EPAS1: variants seen among roughly 807,000 people sequenced by gnomAD.
The protein encoded by EPAS1 is endothelial PAS domain protein 1.
In EPAS1, 23 loss-of-function variants were observed where a neutral mutation model predicts 87.9. The observed-to-expected ratio is 0.26, with a 90% CI of 0.19 to 0.37. The LOEUF (loss-of-function observed/expected upper bound fraction) is 0.37. Ranked by LOEUF, EPAS1 falls within the 10% of genes least tolerant of loss-of-function variation. The probability of loss-of-function intolerance (pLI) is 1.00; values close to 1 mark genes in which losing one functional copy is unlikely to be tolerated. For synonymous variants in EPAS1, 508 were observed against 444.3 expected, an observed-to-expected ratio of 1.14 and a Z score of -1.80; for missense variants, 1,138 against 1,120.7, an observed-to-expected ratio of 1.02 and a Z score of -0.22.
intron 6 of EPAS1, among the ~76,000 whole-genome samples, chr2:46,364,379 T>G (rs1558603700): frequency 6.6e-6 from 1 of 151,020 alleles, no homozygotes; most frequent in Non-Finnish European, 1.5e-5. Flanking sequence ...ACAGACACAA[T>G]CAAGCAAAAA....
At chr2:46,341,127 C>G (rs1257116104) in intron 1 of EPAS1, among the ~76,000 whole-genome samples, 2 of 152,232 alleles carry the variant, frequency 1.3e-5, no homozygotes, top group Admixed American at 6.5e-5. Context: ...AGAACACTGA[C>G]CACTGGAACA....
chr2:46,352,630 C>T (rs1684192539), intron 2 of EPAS1, among the ~76,000 whole-genome samples: 1 of 152,176 alleles, frequency 6.6e-6, no homozygotes, highest in African/African-American at 2.4e-5. Context: ...TTTTCACTCT[C>T]AGCTCCAAGC....
chr2:46,381,714 C>T lies in EPAS1; in HGVS notation c.2164C>T (p.Leu722=). The change falls in exon 13 of 16, where the codon CTG becomes TTG. Residue 722 remains leucine (L), a synonymous_variant. Transcript: ENST00000263734. ...LEYEEQAFQD[L]SGGDPPGGST... ...GTATGAAGAGCAAGCCTTCCAGGAC[C>T]TGAGCGGGGTGAGTCATCCCCACTG... The T allele has an allele frequency of 1.9e-6, 3 of 1,613,856 alleles. No individual in the cohort carries two copies. In the South Asian group the frequency reaches 3.3e-5, roughly 18 times the overall value.
intron 1 of EPAS1, among the ~76,000 whole-genome samples, chr2:46,329,840 AAC>A (rs1295977789): frequency 1.3e-5 from 2 of 152,138 alleles, no homozygotes; most frequent in African/African-American, 4.8e-5. Context: ...AGACAAACAA[AAC>A]ACACACACAC....
rs748532050 is a variant in EPAS1 at position 46,380,189 on chromosome 2, A to G, written c.1555-38A>G. On this transcript the variant is annotated intron_variant, in intron 11 of 15. Coordinates refer to ENST00000263734, the MANE Select transcript of EPAS1 (RefSeq NM_001430.5). The surrounding 1 kb of genome is among the most constrained non-coding windows in gnomAD (Gnocchi z 4.4). ...GGAATAGTGTTTGTGAGGTCGTACC[A>G]ACCCCCTTGCCTCTTTGCCGGTGCT... is the stretch of plus-strand genomic sequence containing the variant. 8.1e-6 allele frequency: 13 copies of G among 1,602,730 alleles called. No homozygotes were observed. The Admixed American group carries it at 1.8e-4, about 23-fold the overall frequency.
chr2:46,320,414 C>T (rs1301215711), intron 1 of EPAS1, among the ~76,000 whole-genome samples: 3 of 152,230 alleles, frequency 2.0e-5, no homozygotes, highest in African/African-American at 7.2e-5. Context: ...CATGGAGCAG[C>T]TGTTGGCATA....
chr2:46,314,599 A>C (rs1683276177), intron 1 of EPAS1, among the ~76,000 whole-genome samples: 1 of 152,204 alleles, frequency 6.6e-6, no homozygotes. Flanking sequence ...GGAACCAGTC[A>C]AAATTGGCTC....
intron 1 of EPAS1, among the ~76,000 whole-genome samples, chr2:46,319,523 A>G (rs1239611966): frequency 6.6e-6 from 1 of 152,240 alleles, no homozygotes; most frequent in Non-Finnish European, 1.5e-5. Context: ...ATTATTTTAA[A>G]AATCCAACTA....
chr2:46,351,756 A>G (rs950031785), intron 2 of EPAS1, among the ~76,000 whole-genome samples: 2 of 152,210 alleles, frequency 1.3e-5, no homozygotes, highest in Non-Finnish European at 2.9e-5. Flanking sequence ...GTAGGAAACA[A>G]GAGGCAAAGC....
chr2:46,303,197 C>T (rs140704656), intron 1 of EPAS1, among the ~76,000 whole-genome samples: 1 of 152,108 alleles, frequency 6.6e-6, no homozygotes, highest in African/African-American at 2.4e-5. Flanking sequence ...GCCCCCCTCC[C>T]CAACACACAC....
rs1553398844 is a variant in EPAS1, at chr2:46,384,933, A to ATTTTTTTTTTTTTTTTT, written c.*276_*277insTTTTTTTTTTTTTTTTT. 4.2e-6 allele frequency: 2 copies of ATTTTTTTTTTTTTTTTT among 481,018 alleles called. No homozygotes were observed. Among genetic ancestry groups the ATTTTTTTTTTTTTTTTT allele is most frequent in the Non-Finnish European group, 7.6e-6 (2 of 262,484 alleles). The allele number at this position is 481,018 out of a possible 1,614,324, so 29.8% of individuals were successfully genotyped here. On this transcript the variant is annotated 3_prime_UTR_variant, in exon 16 of 16. Coordinates refer to ENST00000263734, the MANE Select transcript of EPAS1 (RefSeq NM_001430.5). ...TCCTCCCCACCTTCAATGACTTCTA[A>ATTTTTTTTTTTTTTTTT]TTTATATTATCCATAGGTTTCTCTC... is the stretch of plus-strand genomic sequence containing the variant.
At chr2:46,381,564 TC>T (rs779105591) in intron 12 of EPAS1, 31 bp from the exon 13 acceptor site, 3 of 1,613,754 alleles carry the variant, frequency 1.9e-6, no homozygotes, top group Non-Finnish European at 2.5e-6. Context: ...GGCTCCAGAC[TC>T]CCTCATAGCC....
At chr2:46,311,593 TCC>T (rs1339805226) in intron 1 of EPAS1, among the ~76,000 whole-genome samples, 1 of 152,206 alleles carries the variant, frequency 6.6e-6, no homozygotes, top group Non-Finnish European at 1.5e-5. Flanking sequence ...AAGGAAGATG[TCC>T]TACCAAGCTA....
intron 1 of EPAS1, among the ~76,000 whole-genome samples, chr2:46,325,977 G>A (rs1449239934): frequency 4.6e-5 from 7 of 152,172 alleles, no homozygotes; most frequent in South Asian, 2.1e-4. Context: ...TAATTATGGC[G>A]CCCAGTTATT....
At position 46,360,652 on chromosome 2, in the gene EPAS1, A is replaced by G. The variant is rs1170479651; in HGVS notation, c.469A>G (p.Lys157Glu). Residue 157 changes from lysine (K) to glutamate (E), a missense_variant, in exon 5 of 16, where the codon AAA becomes GAA. This residue lies in a region of EPAS1 where 351 missense variants were observed against 417.1 expected (regional missense o/e 0.84). Transcript: ENST00000263734. This position sits in a 1 kb window ranked among gnomAD's most constrained non-coding sequence, Gnocchi z 4.5. ...TCCACATCCAGGCTCTGGTTTTGGG[A>G]AAAAAAGCAAAGACATGTCCACAGA... Reference protein sequence around the residue: ...LSLKNGSGFGKKSKDMSTERD... With the variant: ...LSLKNGSGFGEKSKDMSTERD... 14 of 1,613,730 alleles carry G rather than the reference A, an allele frequency of 8.7e-6. No homozygotes were observed. Among genetic ancestry groups the G allele is most frequent in the African/African-American group, 6.7e-5 (5 of 75,014 alleles).
chr2:46,340,307 G>A (rs1305114607), intron 1 of EPAS1, among the ~76,000 whole-genome samples: 3 of 143,866 alleles, frequency 2.1e-5, no homozygotes, highest in Admixed American at 2.0e-4. Flanking sequence ...AGACATTACT[G>A]TCAGCGCTGA....
intron 1 of EPAS1, among the ~76,000 whole-genome samples, chr2:46,309,812 A>T (rs72795675): frequency 0.015 from 2,267 of 152,178 alleles, 35 homozygotes; most frequent in Admixed American, 0.032. Context: ...GGCCTTCCTG[A>T]GTCATGTTGT....
intron 1 of EPAS1, among the ~76,000 whole-genome samples, chr2:46,338,523 G>A (rs1427626517): frequency 6.6e-6 from 1 of 152,174 alleles, no homozygotes; most frequent in Non-Finnish European, 1.5e-5. Context: ...ACAGCACCGA[G>A]TCTTCTCTAT....
intron 1 of EPAS1, among the ~76,000 whole-genome samples, chr2:46,343,953 A>G (rs1021124730): frequency 1.3e-5 from 2 of 152,234 alleles, no homozygotes; most frequent in Admixed American, 1.3e-4. Flanking sequence ...GGTTGCAAGG[A>G]TGGAATTAGA....
Sources: allele counts gnomAD v4.1 joint callset (sites outside exome capture counted in the v4.1 genomes callset), GRCh38; gene constraint gnomAD v4.1.1; regional missense constraint gnomAD v4.1.1; non-coding constraint Gnocchi (gnomAD v3.1); transcripts MANE v1.5; gene names NCBI Gene and HGNC (gene_info 2026-07-23, HGNC 2026-07-21).